DLGAP2: variants seen among roughly 807,000 people sequenced by gnomAD.
The protein encoded by DLGAP2 is DLG associated protein 2, also known as disks large-associated protein 2.
Under a neutral mutation model 100.3 loss-of-function variants are expected in DLGAP2, and 26 were observed. That is an observed-to-expected ratio of 0.26 (90% CI 0.19 to 0.36). DLGAP2 has a LOEUF of 0.36. DLGAP2 is among the 10% of genes least tolerant of loss of function. The pLI is 1.00. For missense variants in DLGAP2, 1,858 were observed against 1,453.2 expected, an observed-to-expected ratio of 1.28 and a Z score of -4.53; for synonymous variants, 886 against 630.1, an observed-to-expected ratio of 1.41 and a Z score of -6.08.
At chr8:1,512,624 C>G (rs1302890878) in intron 4 of DLGAP2, among the ~76,000 whole-genome samples, 1 of 152,118 alleles carries the variant, frequency 6.6e-6, no homozygotes, top group Non-Finnish European at 1.5e-5. Context: ...CTGTTAAAAG[C>G]AAACAACATG....
Position 1,362,854 on chromosome 8 carries a change from CA to C in DLGAP2, c.106+103974del, listed in dbSNP as rs201802194. On this transcript the variant is annotated intron_variant, in intron 3 of 14. Transcript: ENST00000637795. Reference sequence around the variant, plus strand: ...TCCTGGTGAATTTTGTTGAACGTTTCAAAGTCAGTGGCTAGTTTCTCTTGTC... The same window carrying C: ...TCCTGGTGAATTTTGTTGAACGTTTCAAGTCAGTGGCTAGTTTCTCTTGTC... Among the ~76,000 whole-genome samples, 153 of 152,324 alleles carry C rather than the reference CA, an allele frequency of 1.0e-3. 4 individuals carry two copies. In the East Asian group the frequency reaches 0.029, roughly 28 times the overall value.
chr8:1,199,944 C>T lies in DLGAP2; in HGVS notation c.74-58907C>T, dbSNP rs368352022. Among the ~76,000 whole-genome samples the T allele has an allele frequency of 9.4e-3, 1,430 of 152,064 alleles. 15 individuals carry two copies. The highest frequency in any genetic ancestry group is 0.033 in the African/African-American group (1,374 of 41,478). ...GCCACGAGGTGGAAGGATTCCCCCC[C>T]ACAACCCCCCGCAGAGGCCGGGTCT... On this transcript the variant is annotated intron_variant, in intron 2 of 14. Coordinates refer to ENST00000637795, the MANE Select transcript of DLGAP2 (RefSeq NM_001346810.2).
intron 2 of DLGAP2, among the ~76,000 whole-genome samples, chr8:1,232,615 G>C (rs1017788234): frequency 3.3e-4 from 51 of 152,330 alleles, no homozygotes; most frequent in African/African-American, 1.2e-3. Flanking sequence ...TATTTGTTGA[G>C]TGTGGAATCC....
At chr8:1,489,999 C>T (rs1348080622) in intron 3 of DLGAP2, among the ~76,000 whole-genome samples, 1 of 152,168 alleles carries the variant, frequency 6.6e-6, no homozygotes, top group African/African-American at 2.4e-5. Context: ...TCAAGCAGTT[C>T]TCCTGCCTCA....
chr8:1,670,513 C>G (rs138249353), intron 10 of DLGAP2, among the ~76,000 whole-genome samples: 17 of 152,362 alleles, frequency 1.1e-4, no homozygotes, highest in Non-Finnish European at 1.5e-4. Context: ...TGAGAGGGAA[C>G]TGCACCCCCA....
chr8:930,619 T>C (rs986860775), intron 2 of DLGAP2, among the ~76,000 whole-genome samples: 4 of 152,246 alleles, frequency 2.6e-5, no homozygotes, highest in African/African-American at 9.6e-5. Context: ...AGGTGCGTCC[T>C]GGGCTTGCCG....
chr8:904,733 A>G (rs188413203), intron 1 of DLGAP2, among the ~76,000 whole-genome samples: 4 of 152,148 alleles, frequency 2.6e-5, no homozygotes, highest in African/African-American at 4.8e-5. Flanking sequence ...GTGACCGCTG[A>G]GTATATTTTG....
rs527821030 is a variant in DLGAP2 at position 898,980 on chromosome 8, C to T, written c.19-8932C>T. ...CTTGGGCCCTGCCCCAGAACTCCTGCGTGGGTCCAGCAGAAGGTGTTTAAC... is the reference window on the plus strand; with the variant it reads ...CTTGGGCCCTGCCCCAGAACTCCTGTGTGGGTCCAGCAGAAGGTGTTTAAC... On this transcript the variant is annotated intron_variant, in intron 1 of 14. Transcript: ENST00000637795. Among the ~76,000 whole-genome samples the T allele has an allele frequency of 2.6e-5, 4 of 152,316 alleles. No individual in the cohort carries two copies. In the South Asian group the frequency reaches 6.2e-4, roughly 24 times the overall value.
chr8:1,292,323 T>C (rs1394329248), intron 3 of DLGAP2, among the ~76,000 whole-genome samples: 3 of 152,166 alleles, frequency 2.0e-5, no homozygotes, highest in African/African-American at 7.2e-5. Flanking sequence ...ACCTAGCATG[T>C]GGTCTGACAT....
At chr8:1,090,114 A>C (rs1804124424) in intron 2 of DLGAP2, among the ~76,000 whole-genome samples, 2 of 140,206 alleles carry the variant, frequency 1.4e-5, no homozygotes, top group Admixed American at 1.4e-4. Context: ...GGAAACTCAC[A>C]CCCCGAGGAC....
intron 3 of DLGAP2, among the ~76,000 whole-genome samples, chr8:1,324,207 A>C (rs1223176572): frequency 6.6e-6 from 1 of 152,212 alleles, no homozygotes; most frequent in East Asian, 1.9e-4. Flanking sequence ...AGTCTTTCCC[A>C]AATTAGGACA....
At chr8:1,676,924 G>A (rs537843907) in intron 11 of DLGAP2, among the ~76,000 whole-genome samples, 8 of 152,320 alleles carry the variant, frequency 5.3e-5, no homozygotes, top group East Asian at 1.9e-4. Context: ...TGAGGGTGAC[G>A]CCAATGCAGG....
At chr8:871,560 G>A (rs1160214327) in intron 1 of DLGAP2, among the ~76,000 whole-genome samples, 2 of 152,198 alleles carry the variant, frequency 1.3e-5, no homozygotes, top group African/African-American at 4.8e-5. Context: ...CTTAAAATTT[G>A]AAATCCAAAG....
intron 2 of DLGAP2, among the ~76,000 whole-genome samples, chr8:1,146,567 ATGTGTGTGTATGCACATGTGTGTGCACC>A (rs879923639): frequency 2.5e-4 from 38 of 149,818 alleles, no homozygotes; most frequent in Admixed American, 4.8e-4. Flanking sequence ...GTGTGTGCAC[ATGTGTGTGTATGCACATGTGTGTGCACC>A]TGCGCATGTG....
chr8:1,037,094 G>T (rs1216295336), intron 2 of DLGAP2, among the ~76,000 whole-genome samples: 1 of 152,040 alleles, frequency 6.6e-6, no homozygotes, highest in Non-Finnish European at 1.5e-5. Context: ...CTGGAGAGTG[G>T]GCAGTGTGGC....
intron 6 of DLGAP2, among the ~76,000 whole-genome samples, chr8:1,596,115 A>AT (rs996756059): frequency 6.6e-6 from 1 of 150,454 alleles, no homozygotes; most frequent in African/African-American, 2.5e-5. Context: ...GAGTGGCAAC[A>AT]TGCAGTATTT....
chr8:1,063,875 C>T (rs774577460), intron 2 of DLGAP2, among the ~76,000 whole-genome samples: 2 of 152,176 alleles, frequency 1.3e-5, no homozygotes, highest in East Asian at 1.9e-4. Context: ...TTAATTTGCT[C>T]ATGAAGCAGA....
chr8:1,443,496 G>T (rs971119124), intron 3 of DLGAP2, among the ~76,000 whole-genome samples: 1 of 152,186 alleles, frequency 6.6e-6, no homozygotes, highest in East Asian at 1.9e-4. Flanking sequence ...CAAGAGAGGG[G>T]TGGCGTGGTG....
At chr8:807,894 A>C (rs1433223957) in intron 1 of DLGAP2, among the ~76,000 whole-genome samples, 1 of 152,198 alleles carries the variant, frequency 6.6e-6, no homozygotes, top group South Asian at 2.1e-4. Flanking sequence ...CAGCCGGAGG[A>C]ACATAAAGGG....
Sources: gnomAD v4.1 joint callset for allele counts (sites outside exome capture counted in the v4.1 genomes callset) on GRCh38, gnomAD v4.1.1 for gene constraint, MANE v1.5 for transcripts, NCBI Gene and HGNC (gene_info 2026-07-23, HGNC 2026-07-21) for gene names.